UQCRC1: variants seen among roughly 807,000 people sequenced by gnomAD.
UQCRC1 encodes the protein cytochrome b-c1 complex subunit 1, mitochondrial.
In UQCRC1, 34 loss-of-function variants were observed where a neutral mutation model predicts 58.0. The ratio of observed to expected loss-of-function variants is 0.59; its 90% CI spans 0.45 to 0.78. The LOEUF is 0.78. Ranked by LOEUF, UQCRC1 falls within the 30% of genes least tolerant of loss-of-function variation. The pLI is 0.00. For synonymous variants in UQCRC1, 276 were observed against 248.8 expected, an observed-to-expected ratio of 1.11 and a Z score of -1.03; for missense variants, 610 against 646.0, an observed-to-expected ratio of 0.94 and a Z score of 0.60.
At chr3:48,606,904 G>T (rs1036015224) in intron 2 of UQCRC1, among the ~76,000 whole-genome samples, 2 of 150,340 alleles carry the variant, frequency 1.3e-5, no homozygotes, top group African/African-American at 4.9e-5. Context: ...ACTCTGTCAC[G>T]AGACGAGTGC....
At chr3:48,608,427 C>A (rs1019587288) in intron 2 of UQCRC1, among the ~76,000 whole-genome samples, 17 of 152,234 alleles carry the variant, frequency 1.1e-4, no homozygotes, top group Admixed American at 5.2e-4. Flanking sequence ...CAGCTCCTTA[C>A]AATCTAGCAC....
At chr3:48,605,296 C>T (rs972432219) in intron 3 of UQCRC1, among the ~76,000 whole-genome samples, 1 of 152,214 alleles carries the variant, frequency 6.6e-6, no homozygotes, top group African/African-American at 2.4e-5. Context: ...GCACACATAC[C>T]TGTGACATTG....
rs2107842844 is a variant in UQCRC1 at position 48,600,550 on chromosome 3, C to T, written c.1145G>A (p.Ser382Asn). 2 of 1,614,136 alleles carry T rather than the reference C, an allele frequency of 1.2e-6. No individual in the cohort carries two copies. The highest frequency in any genetic ancestry group is 1.7e-6 in the Non-Finnish European group (2 of 1,180,020). The change falls in exon 10 of 13, where the codon AGT becomes AAT. Residue 382 changes from serine (S) to asparagine (N), a missense_variant. Ser to Asn is a conservative substitution (Grantham distance 46). Coordinates refer to ENST00000203407, the MANE Select transcript of UQCRC1 (RefSeq NM_003365.3). The stretch of plus-strand genomic sequence containing the variant: ...CCGGGCCACCTCACTCTCCGTGGCA[C>T]TGGTACACAGGCGCATCCTAAAGTG... Reference protein sequence around the residue: ...LQGQWMRLCTSATESEVARGK... With the variant: ...LQGQWMRLCTNATESEVARGK...
chr3:48,603,437 C>T lies in UQCRC1; in HGVS notation c.706+127G>A. ...AGAGCACAGGAGGAAGGTCATTCCC[C>T]TCAAGGTTAGGGTGGGAGCAGAGTC... On this transcript the variant is annotated intron_variant, in intron 6 of 12. Transcript: ENST00000203407. The T allele has an allele frequency of 4.5e-6, 4 of 880,098 alleles. 1 individual carries two copies. The South Asian group carries it at 6.1e-5, about 13-fold the overall frequency. The allele number at this position is 880,098 out of a possible 1,614,324, so 54.5% of individuals were successfully genotyped here.
intron 7 of UQCRC1, 57 bp downstream of exon 7, chr3:48,601,295 G>A: frequency 6.3e-7 from 1 of 1,589,774 alleles, no homozygotes; most frequent in Admixed American, 1.7e-5. Flanking sequence ...CCATGCACAT[G>A]GGGGTCCTCC....
Position 48,600,678 on chromosome 3 carries a change from AC to A in UQCRC1, c.1127+1del. The A allele has an allele frequency of 1.9e-6, 3 of 1,614,130 alleles. No homozygotes were observed. The highest frequency in any genetic ancestry group is 2.5e-6 in the Non-Finnish European group (3 of 1,180,024). ...ACCTAGGAATACCAGGCTGCCACTT[AC>A]CACTGCCCTTGCAGGACGAACATCA... is the stretch of plus-strand genomic sequence containing the variant. On this transcript the variant is annotated splice_donor_variant, in intron 9 of 12. Coordinates refer to ENST00000203407, the MANE Select transcript of UQCRC1 (RefSeq NM_003365.3). LOFTEE classifies it high-confidence loss of function.
At position 48,602,326 on chromosome 3, in the gene UQCRC1, C is replaced by T. The variant is rs376801371; in HGVS notation, c.707-859G>A. Among the ~76,000 whole-genome samples the T allele has an allele frequency of 4.6e-5, 7 of 152,210 alleles. 1 individual carries two copies. Among genetic ancestry groups the T allele is most frequent in the African/African-American group, 1.7e-4 (7 of 41,526 alleles). ...TCGGCCTCCCAAAGTGCTGGGATTA[C>T]AGGCGTGAGCCACCGCGCCCGGCCT... is the stretch of plus-strand genomic sequence containing the variant. On this transcript the variant is annotated intron_variant, in intron 6 of 12. Coordinates refer to ENST00000203407, the MANE Select transcript of UQCRC1 (RefSeq NM_003365.3).
Position 48,605,916 on chromosome 3 carries a change from A to C in UQCRC1, c.211-60T>G. On this transcript the variant is annotated intron_variant, in intron 2 of 12. Transcript: ENST00000203407. Reference sequence around the variant, plus strand: ...AACCACTCCCCAGCCCCCTACTCACACCCCACCTGAGTGACTCAGTACAAG... The same window carrying C: ...AACCACTCCCCAGCCCCCTACTCACCCCCCACCTGAGTGACTCAGTACAAG... The C allele has an allele frequency of 3.9e-6, 6 of 1,523,056 alleles. No homozygotes were observed. The South Asian group carries it at 7.0e-5, about 18-fold the overall frequency. 94.3% of individuals were successfully genotyped at this position (1,523,056 alleles called of 1,614,324 possible).
rs182453765 is a variant in UQCRC1 at position 48,599,152 on chromosome 3, G to A, written c.1419C>T (p.Ser473=). The part of the protein sequence containing the change: ...EQLPDYNRIR[S]GMFWLRF ...CCTAGAAGCGCAGCCAGAACATGCCGCTACGGATCCGGTTGTAGTCTGGGA... is the reference window on the plus strand; with the variant it reads ...CCTAGAAGCGCAGCCAGAACATGCCACTACGGATCCGGTTGTAGTCTGGGA... The change falls in exon 13 of 13, where the codon AGC becomes AGT. Residue 473 remains serine (S), a synonymous_variant. Coordinates refer to ENST00000203407, the MANE Select transcript of UQCRC1 (RefSeq NM_003365.3). The A allele has an allele frequency of 6.2e-4, 992 of 1,611,598 alleles. 10 individuals carry two copies. In the East Asian group the frequency reaches 0.018, roughly 30 times the overall value.
intron 6 of UQCRC1, among the ~76,000 whole-genome samples, chr3:48,602,686 C>T (rs371447954): frequency 2.8e-4 from 43 of 152,142 alleles, no homozygotes; most frequent in African/African-American, 1.0e-3. Context: ...CCAAGCCTGG[C>T]TAATTTTTGT....
chr3:48,603,743 G>A, intron 5 of UQCRC1, 100 bp from the exon 6 acceptor site: 2 of 1,123,904 alleles, frequency 1.8e-6, no homozygotes, highest in Non-Finnish European at 2.6e-6. Flanking sequence ...GGAGAGGCAT[G>A]GTTTCTCCGA....
chr3:48,608,155 T>A (rs1013771989), intron 2 of UQCRC1, among the ~76,000 whole-genome samples: 1 of 152,224 alleles, frequency 6.6e-6, no homozygotes, highest in African/African-American at 2.4e-5. Flanking sequence ...CACCCCTTCA[T>A]CCTTCCAAGT....
rs924863955 is a variant in UQCRC1 at position 48,606,249 on chromosome 3, G to A, written c.211-393C>T. On this transcript the variant is annotated intron_variant, in intron 2 of 12. Transcript: ENST00000203407. The stretch of plus-strand genomic sequence containing the variant: ...ATTTTTTCCTTTCTAAAAATTACAC[G>A]CTGCCTTTGTTCTGGCAATGATTTT... Among the ~76,000 whole-genome samples, 5 of 152,088 alleles carry A rather than the reference G, an allele frequency of 3.3e-5. No homozygotes were observed. In the East Asian group the frequency reaches 5.8e-4, roughly 18 times the overall value.
At chr3:48,601,610 G>A in intron 6 of UQCRC1, 143 bp from the exon 7 acceptor site, 1 of 772,978 alleles carries the variant, frequency 1.3e-6, no homozygotes, top group Non-Finnish European at 2.1e-6. Flanking sequence ...GGTGAGGAAA[G>A]AAGGTCCTCC....
Position 48,600,087 on chromosome 3 carries a change from C to A in UQCRC1, c.1278G>T (p.Leu426=). ...SLLTYGRRIP[L]AEWESRIAEV... ...CCGCAATCCGGCTTTCCCATTCAGCCAGGGGGATGCGGCGGCCATAGGTCA... is the reference window on the plus strand; with the variant it reads ...CCGCAATCCGGCTTTCCCATTCAGCAAGGGGGATGCGGCGGCCATAGGTCA... The change falls in exon 11 of 13, where the codon CTG becomes CTT. Residue 426 remains leucine, a synonymous_variant. Transcript: ENST00000203407. 6.2e-7 allele frequency: 1 copy of A among 1,614,184 alleles called. No homozygotes were observed. Among genetic ancestry groups the A allele is most frequent in the Non-Finnish European group, 8.5e-7 (1 of 1,180,024 alleles).
At position 48,601,545 on chromosome 3, in the gene UQCRC1, G is replaced by A. The variant is rs113833434; in HGVS notation, c.707-78C>T. On this transcript the variant is annotated intron_variant, in intron 6 of 12. Coordinates refer to ENST00000203407, the MANE Select transcript of UQCRC1 (RefSeq NM_003365.3). ...TGGGGCGATTCACAGACAGGCAGAG[G>A]ACCCCCATGTCCTGTCTTAGTGGGA... 100 of 1,338,626 alleles carry A rather than the reference G, an allele frequency of 7.5e-5. 5 individuals carry two copies. In the African/African-American group the frequency reaches 8.1e-4, roughly 11 times the overall value. The allele number at this position is 1,338,626 out of a possible 1,614,324, so 82.9% of individuals were successfully genotyped here.
intron 6 of UQCRC1, among the ~76,000 whole-genome samples, chr3:48,602,200 G>A (rs1434323529): frequency 2.6e-5 from 4 of 152,160 alleles, no homozygotes; most frequent in East Asian, 1.9e-4. Flanking sequence ...ATAGGCGCCC[G>A]CCACCACGCC....
At chr3:48,601,683 C>A (rs1038087936) in intron 6 of UQCRC1, among the ~76,000 whole-genome samples, 4 of 152,240 alleles carry the variant, frequency 2.6e-5, no homozygotes, top group African/African-American at 9.6e-5. Context: ...CCCATGGCCT[C>A]AGTCCCAGGA....
At chr3:48,604,158 A>G (rs1190958352) in intron 5 of UQCRC1, 75 bp downstream of exon 5, 7 of 1,534,148 alleles carry the variant, frequency 4.6e-6, no homozygotes, top group Non-Finnish European at 6.2e-6. Context: ...TAGCCAACTA[A>G]AAATGTGACC....
Sources: gnomAD v4.1 joint callset for allele counts (sites outside exome capture counted in the v4.1 genomes callset) on GRCh38, gnomAD v4.1.1 for gene constraint, MANE v1.5 for transcripts, NCBI Gene and HGNC (gene_info 2026-07-23, HGNC 2026-07-21) for gene names.